Variants in USP25 observed in about 807,000 individuals in gnomAD.
USP25 encodes ubiquitin specific peptidase 25, also known as ubiquitin carboxyl-terminal hydrolase 25.
A neutral mutation model predicts 158.5 loss-of-function variants in USP25; 85 were observed. The ratio of observed to expected loss-of-function variants is 0.54; its 90% confidence interval spans 0.45 to 0.64. The LOEUF (loss-of-function observed/expected upper bound fraction) is 0.64. USP25 is among the 30% of genes least tolerant of loss of function. The probability of loss-of-function intolerance (pLI) is 0.00; values close to 1 mark genes in which losing one functional copy is unlikely to be tolerated. For synonymous variants in USP25, 464 were observed against 460.4 expected (o/e 1.01, Z -0.10); for missense variants, 1,242 against 1,327.3 (o/e 0.94, Z 1.00).
chr21:15,850,856 G>A (rs2038853608), intron 20 of USP25, among the ~76,000 whole-genome samples: 1 of 151,960 alleles, frequency 6.6e-6, no homozygotes, highest in Admixed American at 6.6e-5. Context: ...GCCCGGGACT[G>A]AGGGATTTCC....
chr21:15,739,183 A>AT (rs58059760), intron 1 of USP25, among the ~76,000 whole-genome samples: 17 of 151,684 alleles, frequency 1.1e-4, no homozygotes, highest in Non-Finnish European at 1.6e-4. Flanking sequence ...CTGTACTTTC[A>AT]TTTTTTTTCC....
At position 15,871,258 on chromosome 21, in the gene USP25, T is replaced by A. The variant is rs551939761; in HGVS notation, c.2885+1111T>A. 5.9e-5 allele frequency among the ~76,000 whole-genome samples: 9 copies of A among 152,362 alleles called. No individual in the cohort carries two copies. The South Asian group carries it at 1.2e-3, about 21-fold the overall frequency. On this transcript the variant is annotated intron_variant, in intron 23 of 25. Coordinates refer to ENST00000400183, the MANE Select transcript of USP25 (RefSeq NM_001283041.3). Reference sequence around the variant, plus strand: ...TATAAGATAATTTCACTTTAGTCATTGATGTAGAAAACTTACTTTGATCAA... The same window carrying A: ...TATAAGATAATTTCACTTTAGTCATAGATGTAGAAAACTTACTTTGATCAA...
In USP25 at chr21:15,799,815, A is replaced by G; in HGVS notation, c.614A>G (p.Asn205Ser). The G allele has an allele frequency of 6.2e-7, 1 of 1,604,674 alleles. No individual in the cohort carries two copies. Among genetic ancestry groups the G allele is most frequent in the Non-Finnish European group, 8.5e-7 (1 of 1,174,492 alleles). The change falls in exon 6 of 26, where the codon AAT (asparagine) becomes AGT (serine). Residue 205 changes from asparagine to serine, a missense_variant. Asn to Ser is a conservative substitution (Grantham distance 46). Around this residue, in one of 3 missense-constraint regions of USP25, gnomAD observed 627 missense variants for 701.4 expected, o/e 0.89. Coordinates refer to ENST00000400183, the MANE Select transcript of USP25 (RefSeq NM_001283041.3). The stretch of plus-strand genomic sequence containing the variant: ...GTTCTGAATTACAAGCCTCCATCAA[A>G]TGCTCAAGATTTACCCCGAAACCAA... ...RLVLNYKPPS[N>S]AQDLPRNQKE... is the part of the protein sequence containing the mutation.
intron 14 of USP25, among the ~76,000 whole-genome samples, chr21:15,828,650 C>G (rs1435985719): frequency 1.3e-5 from 2 of 152,060 alleles, no homozygotes; most frequent in Admixed American, 6.5e-5. Context: ...GTTTGAAGAG[C>G]TTTTTTGAGA....
intron 1 of USP25, among the ~76,000 whole-genome samples, chr21:15,759,405 G>T (rs2033591896): frequency 6.6e-6 from 1 of 152,136 alleles, no homozygotes; most frequent in African/African-American, 2.4e-5. Context: ...ATGTGTCTAA[G>T]GTGGTTGGGG....
intron 1 of USP25, among the ~76,000 whole-genome samples, chr21:15,745,695 C>T (rs974336919): frequency 2.6e-5 from 4 of 151,990 alleles, no homozygotes; most frequent in South Asian, 2.1e-4. Flanking sequence ...AGCCTGGTCT[C>T]GAACTCGCGA....
chr21:15,760,514 AATAC>A (rs773385604), intron 1 of USP25, among the ~76,000 whole-genome samples: 1 of 152,212 alleles, frequency 6.6e-6, no homozygotes, highest in Non-Finnish European at 1.5e-5. Flanking sequence ...GTTTCTATCT[AATAC>A]ATATGATTTC....
chr21:15,777,670 G>A (rs908550838), intron 3 of USP25, among the ~76,000 whole-genome samples: 13 of 152,206 alleles, frequency 8.5e-5, no homozygotes, highest in Non-Finnish European at 1.9e-4. Context: ...TTCTTCTACA[G>A]TGAAATATAT....
chr21:15,743,726 CACCAGGGACCTGT>C (rs1018203018), intron 1 of USP25, among the ~76,000 whole-genome samples: 3 of 152,106 alleles, frequency 2.0e-5, no homozygotes, highest in African/African-American at 7.2e-5. Context: ...GGTCAGGTTT[CACCAGGGACCTGT>C]CCCTGCCTGC....
chr21:15,846,801 G>A (rs2038640270), intron 18 of USP25, among the ~76,000 whole-genome samples: 1 of 152,086 alleles, frequency 6.6e-6, no homozygotes, highest in African/African-American at 2.4e-5. Flanking sequence ...AGATAAATAA[G>A]TATGTAAACA....
At chr21:15,872,619 T>G (rs993270814) in intron 23 of USP25, among the ~76,000 whole-genome samples, 8 of 152,248 alleles carry the variant, frequency 5.3e-5, no homozygotes, top group Non-Finnish European at 8.8e-5. Context: ...GAGAATATGT[T>G]TATTAACCTA....
chr21:15,880,023 T>C lies in USP25; in HGVS notation c.*1548T>C, dbSNP rs1390839544. 2.0e-5 allele frequency: 3 copies of C among 152,208 alleles called. No individual in the cohort carries two copies. Among genetic ancestry groups the C allele is most frequent in the African/African-American group, 7.2e-5 (3 of 41,458 alleles). The allele number at this position is 152,208 out of a possible 1,614,324, so 9.4% of individuals were successfully genotyped here. On this transcript the variant is annotated 3_prime_UTR_variant, in exon 26 of 26. Coordinates refer to ENST00000400183, the MANE Select transcript of USP25 (RefSeq NM_001283041.3). ...ACTTCATATGTGTCATCACAGCTTT[T>C]GTAAAGAAAGTATCCTTAATATTTT...
intron 20 of USP25, among the ~76,000 whole-genome samples, chr21:15,853,297 G>A (rs2038974585): frequency 4.0e-5 from 6 of 151,414 alleles, no homozygotes; most frequent in Middle Eastern, 3.4e-3. Context: ...GTGTACACAT[G>A]TGTACACACA....
chr21:15,832,554 A>T (rs552987149), intron 16 of USP25, among the ~76,000 whole-genome samples: 42 of 152,276 alleles, frequency 2.8e-4, no homozygotes, highest in Admixed American at 2.6e-3. Flanking sequence ...ATTTAAGTCT[A>T]CTTAATTTCT....
intron 18 of USP25, among the ~76,000 whole-genome samples, chr21:15,846,137 TATATATATATATATATATATA>T (rs1375691409): frequency 3.2e-4 from 17 of 52,578 alleles, no homozygotes; most frequent in Non-Finnish European, 4.0e-4. Context: ...TATATATATA[TATATATATATATATATATATA>T]TTTTTTTTTT....
chr21:15,771,863 C>G (rs965812316), intron 3 of USP25, among the ~76,000 whole-genome samples: 3 of 152,042 alleles, frequency 2.0e-5, no homozygotes, highest in Non-Finnish European at 4.4e-5. Flanking sequence ...CACTCCCTTG[C>G]TTAGAAATCT....
chr21:15,818,481 A>G (rs2037062847), intron 9 of USP25, among the ~76,000 whole-genome samples: 1 of 152,188 alleles, frequency 6.6e-6, no homozygotes, highest in African/African-American at 2.4e-5. Context: ...ATGTGTGTAT[A>G]TAATTACATA....
At chr21:15,841,674 A>T (rs2038341081) in intron 17 of USP25, among the ~76,000 whole-genome samples, 1 of 152,132 alleles carries the variant, frequency 6.6e-6, no homozygotes, top group Non-Finnish European at 1.5e-5. Context: ...ATTTATATAT[A>T]TGATTATTTG....
At chr21:15,761,152 C>T (rs570355386) in intron 1 of USP25, among the ~76,000 whole-genome samples, 63 of 152,266 alleles carry the variant, frequency 4.1e-4, no homozygotes, top group African/African-American at 1.4e-3. Context: ...TGTGCATTTT[C>T]GGCAGGGCTA....
Sources: allele counts gnomAD v4.1 joint callset (sites outside exome capture counted in the v4.1 genomes callset), GRCh38; gene constraint gnomAD v4.1.1; regional missense constraint gnomAD v4.1.1; transcripts MANE v1.5; gene names NCBI Gene and HGNC (gene_info 2026-07-23, HGNC 2026-07-21).